The following FOXN3 variants were observed in gnomAD, a reference collection of about 807,000 sequenced individuals.
FOXN3 encodes forkhead box N3, also known as forkhead box protein N3.
FOXN3 carries 7 observed loss-of-function variants against 38.4 expected under a neutral mutation model. The observed-to-expected ratio is 0.18, with a 90% CI of 0.10 to 0.34. The LOEUF is 0.34. FOXN3 is among the 10% of genes least tolerant of loss of function. The pLI is 1.00. For missense variants in FOXN3, 456 were observed against 613.4 expected (o/e 0.74, Z 2.71); for synonymous variants, 230 against 242.2 (o/e 0.95, Z 0.47).
intron 1 of FOXN3, among the ~76,000 whole-genome samples, chr14:89,552,238 A>G (rs1895019203): frequency 6.6e-6 from 1 of 152,196 alleles, no homozygotes; most frequent in Admixed American, 6.5e-5. Context: ...TTTGTGAAGG[A>G]TATAACTATT....
At chr14:89,335,046 T>C (rs960315621) in intron 3 of FOXN3, among the ~76,000 whole-genome samples, 1 of 150,156 alleles carries the variant, frequency 6.7e-6, no homozygotes, top group East Asian at 2.0e-4. Flanking sequence ...ATTACAGACC[T>C]GAAAAAGAGT....
At chr14:89,534,652 C>T (rs575177414) in intron 1 of FOXN3, among the ~76,000 whole-genome samples, 1 of 152,288 alleles carries the variant, frequency 6.6e-6, no homozygotes, top group South Asian at 2.1e-4. Context: ...TTAAGACTCC[C>T]CTGGGGAACC....
intron 3 of FOXN3, among the ~76,000 whole-genome samples, chr14:89,316,051 T>C (rs1261443118): frequency 6.6e-6 from 1 of 152,228 alleles, no homozygotes. Context: ...CACCCTCCTG[T>C]GGTCCCCGCC....
At chr14:89,392,475 G>C (rs1202221664) in intron 2 of FOXN3, among the ~76,000 whole-genome samples, 1 of 152,168 alleles carries the variant, frequency 6.6e-6, no homozygotes, top group Non-Finnish European at 1.5e-5. Context: ...CCAGGTGTCA[G>C]CAGGGCTGGT....
intron 3 of FOXN3, among the ~76,000 whole-genome samples, chr14:89,303,477 G>A (rs1263362462): frequency 7.0e-6 from 1 of 143,814 alleles, no homozygotes; most frequent in Non-Finnish European, 1.5e-5. Context: ...CATGGAGTAG[G>A]TGTTCAATAA....
intron 1 of FOXN3, among the ~76,000 whole-genome samples, chr14:89,447,668 G>T (rs992612923): frequency 6.6e-6 from 1 of 151,884 alleles, no homozygotes; most frequent in Non-Finnish European, 1.5e-5. Flanking sequence ...CCCAAGGGCC[G>T]CACAAAAAAA....
chr14:89,535,482 C>T (rs577862513), intron 1 of FOXN3, among the ~76,000 whole-genome samples: 1 of 152,202 alleles, frequency 6.6e-6, no homozygotes, highest in Non-Finnish European at 1.5e-5. Flanking sequence ...TAAAAGACAC[C>T]CATTCATGGT....
rs182150930 is a variant in FOXN3, at chr14:89,232,327, C to T, written c.745+48623G>A. 1.4e-3 allele frequency among the ~76,000 whole-genome samples: 209 copies of T among 152,304 alleles called. 1 individual carries two copies. Among genetic ancestry groups the T allele is most frequent in the Non-Finnish European group, 3.2e-4 (22 of 68,032 alleles). ...GTTCGCCTATACATAGTTCATTCTG[C>T]AGATAGTGTTACTGATGACCAATAG... On this transcript the variant is annotated intron_variant, in intron 4 of 5. Coordinates refer to ENST00000557258, the MANE Select transcript of FOXN3 (RefSeq NM_005197.4).
intron 1 of FOXN3, among the ~76,000 whole-genome samples, chr14:89,589,536 C>A (rs1359987755): frequency 1.3e-5 from 2 of 152,086 alleles, no homozygotes; most frequent in Non-Finnish European, 2.9e-5. Context: ...GCTTCGACTG[C>A]ATAAGGGGAA....
At chr14:89,267,534 T>C (rs1244037838) in intron 4 of FOXN3, among the ~76,000 whole-genome samples, 1 of 152,222 alleles carries the variant, frequency 6.6e-6, no homozygotes, top group Non-Finnish European at 1.5e-5. Context: ...TGCCTTTGCA[T>C]TTCTCTCATT....
chr14:89,334,095 T>C (rs2139990548), intron 3 of FOXN3, among the ~76,000 whole-genome samples: 1 of 151,578 alleles, frequency 6.6e-6, no homozygotes, highest in Admixed American at 6.6e-5. Flanking sequence ...CCTGCCATTT[T>C]TGACAGCATG....
intron 1 of FOXN3, among the ~76,000 whole-genome samples, chr14:89,537,886 T>C (rs528609110): frequency 4.5e-4 from 68 of 152,354 alleles, no homozygotes; most frequent in African/African-American, 1.5e-3. Context: ...TGAGATAACA[T>C]TGACAAGTTC....
chr14:89,467,749 C>A (rs1374454782), intron 1 of FOXN3, among the ~76,000 whole-genome samples: 3 of 149,998 alleles, frequency 2.0e-5, no homozygotes, highest in Non-Finnish European at 4.4e-5. Flanking sequence ...GTAAGTGCCA[C>A]CAAGCCCACC....
chr14:89,325,356 C>CACCACTACCACCACT (rs1555418117), intron 3 of FOXN3, among the ~76,000 whole-genome samples: 283 of 91,700 alleles, frequency 3.1e-3, no homozygotes, highest in East Asian at 5.1e-3. Context: ...CCACCACCAC[C>CACCACTACCACCACT]ACCACTACCA....
chr14:89,574,458 G>A (rs556639941), intron 1 of FOXN3, among the ~76,000 whole-genome samples: 2 of 152,260 alleles, frequency 1.3e-5, no homozygotes, highest in African/African-American at 4.8e-5. Flanking sequence ...AGAGAGCAGA[G>A]AGAGAACCAG....
chr14:89,336,109 C>T (rs939103064), intron 3 of FOXN3, among the ~76,000 whole-genome samples: 3 of 148,880 alleles, frequency 2.0e-5, no homozygotes, highest in Admixed American at 6.8e-5. Context: ...ATTCGCTTTT[C>T]GATTTTGTCT....
chr14:89,334,713 AAG>A (rs762017873), intron 3 of FOXN3, among the ~76,000 whole-genome samples: 1 of 152,088 alleles, frequency 6.6e-6, no homozygotes, highest in Non-Finnish European at 1.5e-5. Context: ...TTGCTAATAA[AAG>A]AGTAGATTTG....
intron 1 of FOXN3, among the ~76,000 whole-genome samples, chr14:89,584,201 C>A (rs1353901390): frequency 6.6e-6 from 1 of 151,888 alleles, no homozygotes; most frequent in Non-Finnish European, 1.5e-5. Context: ...CGGCCAAGAC[C>A]AGCCTGGCCA....
intron 1 of FOXN3, among the ~76,000 whole-genome samples, chr14:89,463,311 C>A (rs1596284101): frequency 6.6e-6 from 1 of 151,622 alleles, no homozygotes; most frequent in East Asian, 2.0e-4. Context: ...CATGAGAACA[C>A]ATTGACCCAT....
Sources: allele counts gnomAD v4.1 joint callset (sites outside exome capture counted in the v4.1 genomes callset), GRCh38; gene constraint gnomAD v4.1.1; transcripts MANE v1.5; gene names NCBI Gene and HGNC (gene_info 2026-07-23, HGNC 2026-07-21).